The following XRCC4 variants were observed in gnomAD, a reference collection of about 807,000 sequenced individuals.
XRCC4 encodes X-ray repair cross complementing 4, also known as DNA repair protein XRCC4.
XRCC4 carries 28 observed loss-of-function variants against 39.1 expected under a neutral mutation model. That is an observed-to-expected ratio of 0.72 (90% CI 0.53 to 0.98). The LOEUF (loss-of-function observed/expected upper bound fraction) is 0.98, where lower values mean the gene tolerates loss of function less well. XRCC4 is among the 50% of genes least tolerant of loss of function. The pLI is 0.00. For synonymous variants in XRCC4, 123 were observed against 126.4 expected (o/e 0.97, Z 0.18); for missense variants, 350 against 376.4 (o/e 0.93, Z 0.58).
At chr5:83,334,640 T>C (rs1488791541) in intron 7 of XRCC4, among the ~76,000 whole-genome samples, 2 of 151,614 alleles carry the variant, frequency 1.3e-5, no homozygotes, top group Non-Finnish European at 2.9e-5. Flanking sequence ...TTTAAAAATA[T>C]TATGTACATA....
intron 7 of XRCC4, among the ~76,000 whole-genome samples, chr5:83,343,154 C>T (rs1580532792): frequency 6.6e-6 from 1 of 151,990 alleles, no homozygotes; most frequent in South Asian, 2.1e-4. Flanking sequence ...TACCTTACCC[C>T]TCATCTTCAT....
At chr5:83,261,471 T>TTGCATGACC (rs1264317230) in intron 7 of XRCC4, among the ~76,000 whole-genome samples, 1 of 152,040 alleles carries the variant, frequency 6.6e-6, no homozygotes, top group Non-Finnish European at 1.5e-5. Flanking sequence ...GCCCTTCTGA[T>TTGCATGACC]TGCATGACCT....
At chr5:83,252,682 TACA>T (rs1753370775) in intron 6 of XRCC4, among the ~76,000 whole-genome samples, 1 of 152,184 alleles carries the variant, frequency 6.6e-6, no homozygotes, top group Admixed American at 6.5e-5. Flanking sequence ...GTGGTTTATA[TACA>T]TTTTCTCAGC....
In XRCC4 at chr5:83,353,155, G is replaced by A. The variant is rs137997451; in HGVS notation, c.918G>A (p.Thr306=). 88 of 1,610,810 alleles carry A rather than the reference G, an allele frequency of 5.5e-5. No individual in the cohort carries two copies. The South Asian group carries it at 8.0e-4, about 15-fold the overall frequency. The change falls in exon 8 of 8, where the codon ACG becomes ACA. Residue 306 remains threonine (T), a synonymous_variant. Transcript: ENST00000396027. ...GGCCTGATTCTTCACTACCTGAGAC[G>A]TCTAAAAAGGAGCACATCTCAGCTG... ...KEKPDSSLPE[T]SKKEHISAEN... is the part of the protein sequence containing the mutation.
chr5:83,245,615 G>A (rs1753071123), intron 6 of XRCC4, among the ~76,000 whole-genome samples: 1 of 152,020 alleles, frequency 6.6e-6, no homozygotes, highest in East Asian at 1.9e-4. Flanking sequence ...ATGTTAAAAT[G>A]TGCCAGTTTA....
At chr5:83,282,540 C>T (rs1330852324) in intron 7 of XRCC4, among the ~76,000 whole-genome samples, 2 of 151,676 alleles carry the variant, frequency 1.3e-5, no homozygotes, top group African/African-American at 2.4e-5. Flanking sequence ...AAAAAAAATC[C>T]GATCATAAAA....
downstream of XRCC4, among the ~76,000 whole-genome samples, chr5:83,354,941 A>G (rs2112243973): frequency 6.6e-6 from 1 of 152,300 alleles, no homozygotes; most frequent in East Asian, 1.9e-4. Context: ...AAAATCTTAG[A>G]TAAGATTATT....
At chr5:83,265,313 G>A (rs1306434580) in intron 7 of XRCC4, among the ~76,000 whole-genome samples, 1 of 152,098 alleles carries the variant, frequency 6.6e-6, no homozygotes, top group Non-Finnish European at 1.5e-5. Flanking sequence ...TGGTCATCAT[G>A]AGCAAACCTC....
chr5:83,161,514 A>G (rs1318601142), intron 3 of XRCC4, among the ~76,000 whole-genome samples: 1 of 152,210 alleles, frequency 6.6e-6, no homozygotes, highest in Non-Finnish European at 1.5e-5. Flanking sequence ...GTAGATAAGT[A>G]AAATAATACC....
intron 3 of XRCC4, among the ~76,000 whole-genome samples, chr5:83,147,639 C>T (rs1487837497): frequency 2.0e-5 from 3 of 152,012 alleles, no homozygotes; most frequent in African/African-American, 7.3e-5. Flanking sequence ...TGTTGTATAA[C>T]ACAGGGACTA....
chr5:83,271,898 C>T (rs530966120), intron 7 of XRCC4, among the ~76,000 whole-genome samples: 1 of 152,246 alleles, frequency 6.6e-6, no homozygotes, highest in South Asian at 2.1e-4. Context: ...AAAGATAAAC[C>T]TTTACATGCA....
At chr5:83,373,287 T>C in the XRCC4 span, among the ~76,000 whole-genome samples, 2 of 152,118 alleles carry the variant, frequency 1.3e-5, no homozygotes, top group African/African-American at 2.4e-5. Context: ...GCACACTTCA[T>C]TGAGTGTTGA....
At chr5:83,145,805 T>C (rs929711302) in intron 3 of XRCC4, among the ~76,000 whole-genome samples, 2 of 151,992 alleles carry the variant, frequency 1.3e-5, no homozygotes, top group African/African-American at 4.8e-5. Context: ...AGTGTTATTC[T>C]TTTTTTTCCC....
chr5:83,228,194 GT>G (rs1265655207), intron 6 of XRCC4, among the ~76,000 whole-genome samples: 9 of 151,852 alleles, frequency 5.9e-5, no homozygotes, highest in African/African-American at 2.2e-4. Flanking sequence ...TATTTATTTA[GT>G]TTTCATCCTG....
the XRCC4 span, among the ~76,000 whole-genome samples, chr5:83,366,579 C>T: frequency 5.9e-5 from 9 of 152,290 alleles, no homozygotes; most frequent in Non-Finnish European, 1.3e-4. Flanking sequence ...TCCATGCCTT[C>T]TTGGCACACT....
chr5:83,219,615 A>G (rs1752004042), intron 6 of XRCC4, among the ~76,000 whole-genome samples: 1 of 152,272 alleles, frequency 6.6e-6, no homozygotes, highest in South Asian at 2.1e-4. Flanking sequence ...TTAGAGCTGC[A>G]GTGTTCAGTA....
chr5:83,151,935 A>G (rs532288425), intron 3 of XRCC4, among the ~76,000 whole-genome samples: 2 of 152,324 alleles, frequency 1.3e-5, no homozygotes, highest in South Asian at 4.1e-4. Context: ...TGCCTCCCCT[A>G]CTAAAACATC....
At chr5:83,286,717 ATAAC>A (rs1739386079) in intron 7 of XRCC4, among the ~76,000 whole-genome samples, 1 of 152,132 alleles carries the variant, frequency 6.6e-6, no homozygotes, top group South Asian at 2.1e-4. Flanking sequence ...GTTTTATTGA[ATAAC>A]TAGGTACTCT....
intron 6 of XRCC4, among the ~76,000 whole-genome samples, chr5:83,231,716 A>G (rs1457915527): frequency 6.6e-6 from 1 of 152,098 alleles, no homozygotes; most frequent in Non-Finnish European, 1.5e-5. Flanking sequence ...TCAGAAGGAT[A>G]AAGTATGGTT....
Sources: allele counts gnomAD v4.1 joint callset (sites outside exome capture counted in the v4.1 genomes callset), GRCh38; gene constraint gnomAD v4.1.1; transcripts MANE v1.5; gene names NCBI Gene and HGNC (gene_info 2026-07-23, HGNC 2026-07-21).